Variants in ZC3H6 observed in about 807,000 individuals in gnomAD.
ZC3H6 encodes the protein zinc finger CCCH domain-containing protein 6.
Under a neutral mutation model 107.7 loss-of-function variants are expected in ZC3H6, and 40 were observed. The observed-to-expected ratio is 0.37, with a 90% CI of 0.29 to 0.48. ZC3H6 has a LOEUF of 0.48. Among genes scored for constraint, ZC3H6 ranks in the 20% least tolerant of loss-of-function variants. ZC3H6 has a pLI of 0.98. For missense variants in ZC3H6, 1,267 were observed against 1,410.4 expected (o/e 0.90, Z 1.63); for synonymous variants, 493 against 487.9 (o/e 1.01, Z -0.14).
In ZC3H6 at chr2:112,332,096, T is replaced by A; in HGVS notation, c.3178T>A (p.Ser1060Thr). The A allele has an allele frequency of 1.9e-6, 3 of 1,613,940 alleles. No individual in the cohort carries two copies. Among genetic ancestry groups the A allele is most frequent in the Non-Finnish European group, 2.5e-6 (3 of 1,179,876 alleles). Residue 1060 changes from serine (S) to threonine (T), a missense_variant, in exon 12 of 12, where the codon TCA (serine) becomes ACA (threonine). Transcript: ENST00000409871. The stretch of plus-strand genomic sequence containing the variant: ...TAGGGATCACGGTTCATCATCCACA[T>A]CAGAGCTAGCAACAGCTTCTTCAGG... ...DPRDHGSSSTSELATASSGEN... is the reference protein window; with the variant it reads ...DPRDHGSSSTTELATASSGEN...
chr2:112,328,695 C>G (rs1413556138), intron 11 of ZC3H6, among the ~76,000 whole-genome samples: 1 of 152,156 alleles, frequency 6.6e-6, no homozygotes. Context: ...AATCCCAGCA[C>G]TTTGGGAGGC....
rs200794040 is a variant in ZC3H6 at position 112,316,472 on chromosome 2, T to C, written c.750T>C (p.Tyr250=). Reference sequence around the variant, plus strand: ...CAAATGGAATTTTTTTCTTGCAGTATAATAAACCAGGGAAAAAATGGAAGG... The same window carrying C: ...CAAATGGAATTTTTTTCTTGCAGTACAATAAACCAGGGAAAAAATGGAAGG... ...VFSVSDDFQE[Y]NKPGKKWKVM... is the part of the protein sequence containing the mutation. The change falls in exon 6 of 12, where the codon TAT becomes TAC. Residue 250 remains tyrosine, a splice_region_variant and synonymous_variant. Transcript: ENST00000409871. 50 of 1,597,556 alleles carry C rather than the reference T, an allele frequency of 3.1e-5. No individual in the cohort carries two copies. The highest frequency in any genetic ancestry group is 3.2e-5 in the Non-Finnish European group (37 of 1,170,006).
rs181385600 is a variant in ZC3H6 at position 112,324,484 on chromosome 2, G to A, written c.1673G>A (p.Gly558Glu). ...GCTTACCACTCCCCAGGCTTTCCAG[G>A]ACATGTGATGAAAGTACCCAGAGAG... ...GGAYHSPGFP[G>E]HVMKVPRENH... Residue 558 changes from glycine (G) to glutamate (E), a missense_variant, in exon 10 of 12, where the codon GGA becomes GAA. By Grantham distance (98) the Gly-to-Glu change is moderately conservative. Around this residue, in one of 3 missense-constraint regions of ZC3H6, gnomAD observed 925 missense variants for 1,025.7 expected, o/e 0.90. Coordinates refer to ENST00000409871, the MANE Select transcript of ZC3H6 (RefSeq NM_198581.3). The A allele has an allele frequency of 6.2e-7, 1 of 1,613,710 alleles. No individual in the cohort carries two copies.
intron 11 of ZC3H6, among the ~76,000 whole-genome samples, chr2:112,328,938 C>CAAAA (rs11317176): frequency 8.7e-6 from 1 of 115,236 alleles, no homozygotes; most frequent in Non-Finnish European, 2.0e-5. Flanking sequence ...GACTCTGTCT[C>CAAAA]AAAAAAAAAA....
intron 5 of ZC3H6, among the ~76,000 whole-genome samples, chr2:112,314,693 T>G (rs558325933): frequency 9.2e-5 from 14 of 152,298 alleles, no homozygotes; most frequent in African/African-American, 3.4e-4. Flanking sequence ...ACAGCCATGA[T>G]TCTTTGTATA....
intron 1 of ZC3H6, among the ~76,000 whole-genome samples, chr2:112,285,268 T>G (rs1427903260): frequency 1.3e-5 from 2 of 152,164 alleles, no homozygotes; most frequent in Non-Finnish European, 2.9e-5. Flanking sequence ...TTGAGAAAAT[T>G]TTAACATACA....
chr2:112,289,245 A>T (rs1318837222), intron 1 of ZC3H6, among the ~76,000 whole-genome samples: 4 of 146,122 alleles, frequency 2.7e-5, no homozygotes, highest in Non-Finnish European at 4.5e-5. Context: ...TGATCTGCCC[A>T]CCTCAGCCTC....
chr2:112,337,232 A>G lies in ZC3H6; in HGVS notation c.*4744A>G, dbSNP rs1457289197. The G allele has an allele frequency of 6.6e-6, 1 of 152,136 alleles. No homozygotes were observed. Among genetic ancestry groups the G allele is most frequent in the African/African-American group, 2.4e-5 (1 of 41,424 alleles). 9.4% of individuals were successfully genotyped at this position (152,136 alleles called of 1,614,324 possible). ...TACTTCATGGTGAAAGTTTGGATTG[A>G]TCAATAATTTATTCCTATAAAGGTC... is the stretch of plus-strand genomic sequence containing the variant. On this transcript the variant is annotated 3_prime_UTR_variant, in exon 12 of 12. Transcript: ENST00000409871.
rs1352945459 is a variant in ZC3H6 at position 112,324,326 on chromosome 2, A to G, written c.1515A>G (p.Ala505=). 2 of 1,613,878 alleles carry G rather than the reference A, an allele frequency of 1.2e-6. No individual in the cohort carries two copies. Among genetic ancestry groups the G allele is most frequent in the Admixed American group, 3.3e-5 (2 of 60,010 alleles). ...HPGSPGHHPC[A]GPPGLPVPQS... ...GCTCCCCTGGACATCACCCATGTGC[A>G]GGACCTCCTGGTCTACCAGTGCCAC... The change falls in exon 10 of 12, where the codon GCA becomes GCG. Residue 505 remains alanine, a synonymous_variant. Transcript: ENST00000409871.
chr2:112,338,855 G>GTA lies in ZC3H6; in HGVS notation c.*6424_*6425dup, dbSNP rs1157174486. 9.6e-4 allele frequency: 37 copies of GTA among 38,430 alleles called. No individual in the cohort carries two copies. Among genetic ancestry groups the GTA allele is most frequent in the East Asian group, 2.8e-3 (1 of 352 alleles). 2.4% of individuals were successfully genotyped at this position (38,430 alleles called of 1,614,324 possible). On this transcript the variant is annotated 3_prime_UTR_variant, in exon 12 of 12. Transcript: ENST00000409871. ...TATATATATATGTATGTATATGTGT[G>GTA]TATATATATATATATATATATATAT...
chr2:112,310,306 CT>C (rs1676571135), intron 4 of ZC3H6, 145 bp downstream of exon 4: 1 of 777,622 alleles, frequency 1.3e-6, no homozygotes, highest in South Asian at 1.9e-5. Context: ...TTTTGTAGAC[CT>C]TGAGAACAGA....
chr2:112,275,662 C>T lies in ZC3H6; in HGVS notation c.-333C>T, dbSNP rs551797289. 1.5e-4 allele frequency: 59 copies of T among 405,420 alleles called. No individual in the cohort carries two copies. The highest frequency in any genetic ancestry group is 2.3e-4 in the Non-Finnish European group (52 of 228,894). The allele number at this position is 405,420 out of a possible 1,614,324, so 25.1% of individuals were successfully genotyped here. On this transcript the variant is annotated 5_prime_UTR_variant, in exon 1 of 12. Transcript: ENST00000409871. The stretch of plus-strand genomic sequence containing the variant: ...GGTGAGGAGAAATCACCGTTACGGC[C>T]ACTGTCCAAATCCCCGCGTCGCTGC...
chr2:112,312,320 A>G (rs1329937109), intron 5 of ZC3H6: 1 of 159,446 alleles, frequency 6.3e-6, no homozygotes, highest in Non-Finnish European at 1.4e-5. Flanking sequence ...GGCAGTGGTA[A>G]ATTAACTTCC....
In ZC3H6 at chr2:112,284,302, G is replaced by A. The variant is rs190816739; in HGVS notation, c.32+8276G>A. 5.9e-5 allele frequency among the ~76,000 whole-genome samples: 9 copies of A among 152,224 alleles called. No individual in the cohort carries two copies. The East Asian group carries it at 1.2e-3, about 20-fold the overall frequency. On this transcript the variant is annotated intron_variant, in intron 1 of 11. Coordinates refer to ENST00000409871, the MANE Select transcript of ZC3H6 (RefSeq NM_198581.3). ...TGAAAATGGAATGAAATAATGAGTT[G>A]ACATAGGAATTACCTACATATTTTG...
At position 112,337,213 on chromosome 2, in the gene ZC3H6, A is replaced by C. The variant is rs907402511; in HGVS notation, c.*4725A>C. ...TCCTCCAGACTTACAAGATTACTTC[A>C]TGGTGAAAGTTTGGATTGATCAATA... On this transcript the variant is annotated 3_prime_UTR_variant, in exon 12 of 12. Transcript: ENST00000409871. 1.2e-4 allele frequency: 18 copies of C among 152,166 alleles called. No homozygotes were observed. Among genetic ancestry groups the C allele is most frequent in the Admixed American group, 2.0e-4 (3 of 15,264 alleles). The allele number at this position is 152,166 out of a possible 1,614,324, so 9.4% of individuals were successfully genotyped here.
intron 1 of ZC3H6, among the ~76,000 whole-genome samples, chr2:112,290,785 A>G (rs914151843): frequency 6.6e-6 from 1 of 152,250 alleles, no homozygotes; most frequent in African/African-American, 2.4e-5. Flanking sequence ...CTTGCACAGT[A>G]GTACTTTGTT....
intron 11 of ZC3H6, among the ~76,000 whole-genome samples, chr2:112,330,219 A>T (rs1676999270): frequency 6.6e-6 from 1 of 151,756 alleles, no homozygotes; most frequent in African/African-American, 2.4e-5. Context: ...TGCACGGCTA[A>T]TTTTTTTGTA....
intron 4 of ZC3H6, among the ~76,000 whole-genome samples, chr2:112,310,983 C>G (rs1185244925): frequency 6.6e-6 from 1 of 152,204 alleles, no homozygotes; most frequent in African/African-American, 2.4e-5. Flanking sequence ...TACACATATG[C>G]TGTTGTACTG....
chr2:112,276,149 C>T, intron 1 of ZC3H6, 123 bp downstream of exon 1: 1 of 804,766 alleles, frequency 1.2e-6, no homozygotes, highest in Non-Finnish European at 1.9e-6. Context: ...CCGTCAGTTC[C>T]ATGACGCGCA....
Sources: allele counts gnomAD v4.1 joint callset (sites outside exome capture counted in the v4.1 genomes callset), GRCh38; gene constraint gnomAD v4.1.1; regional missense constraint gnomAD v4.1.1; transcripts MANE v1.5; gene names NCBI Gene and HGNC (gene_info 2026-07-23, HGNC 2026-07-21).